The following RALGPS1 variants were observed in gnomAD, a reference collection of about 807,000 sequenced individuals.
The protein encoded by RALGPS1 is ras-specific guanine nucleotide-releasing factor RalGPS1.
A neutral mutation model predicts 78.8 loss-of-function variants in RALGPS1; 19 were observed. That is an observed-to-expected ratio of 0.24 (90% CI 0.17 to 0.35). The LOEUF is 0.35. RALGPS1 is among the 10% of genes least tolerant of loss of function. The pLI, the probability that RALGPS1 is intolerant of heterozygous loss-of-function variation, is 1.00. For synonymous variants in RALGPS1, 228 were observed against 256.3 expected (o/e 0.89, Z 1.06); for missense variants, 454 against 688.3 (o/e 0.66, Z 3.81).
At chr9:127,085,510 C>T (rs2136232706) in intron 8 of RALGPS1, among the ~76,000 whole-genome samples, 1 of 152,304 alleles carries the variant, frequency 6.6e-6, no homozygotes, top group South Asian at 2.1e-4. Flanking sequence ...TTCCATGCCA[C>T]CAGCTTAGTG....
rs558305233 is a variant in RALGPS1 at position 127,180,417 on chromosome 9, C to T, written c.910+5635C>T. Among the ~76,000 whole-genome samples, 4 of 152,328 alleles carry T rather than the reference C, an allele frequency of 2.6e-5. No homozygotes were observed. In the South Asian group the frequency reaches 6.2e-4, roughly 24 times the overall value. On this transcript the variant is annotated intron_variant, in intron 11 of 18. Transcript: ENST00000259351. ...TGTTGTATTGCCTGGTGGTAGAAAC[C>T]ACCTCTGGAGTCAGGCAGAGCTCAG...
At chr9:127,182,375 TCCCTCCCTCCCTC>T (rs2060305519) in intron 11 of RALGPS1, among the ~76,000 whole-genome samples, 2 of 124,302 alleles carry the variant, frequency 1.6e-5, no homozygotes, top group African/African-American at 3.1e-5. Flanking sequence ...CCTTCCTCCC[TCCCTCCCTCCCTC>T]CCTCCCTCCC....
chr9:126,992,305 A>G (rs1273762679), intron 4 of RALGPS1, among the ~76,000 whole-genome samples: 1 of 152,234 alleles, frequency 6.6e-6, no homozygotes, highest in African/African-American at 2.4e-5. Context: ...TACTAAAGTC[A>G]ACAATTTGAT....
intron 5 of RALGPS1, among the ~76,000 whole-genome samples, chr9:127,039,316 G>A (rs753702971): frequency 2.0e-5 from 3 of 152,154 alleles, no homozygotes; most frequent in Non-Finnish European, 2.9e-5. Context: ...ATGAGGGAAT[G>A]CTACAGAATG....
intron 18 of RALGPS1, chr9:127,216,148 G>T (rs956296498): frequency 6.6e-6 from 1 of 152,258 alleles, no homozygotes; most frequent in African/African-American, 2.4e-5. Flanking sequence ...TAGTGACAGT[G>T]ACAGGTCCTA....
In RALGPS1 at chr9:127,122,430, C is replaced by T. The variant is rs2056213164; in HGVS notation, c.611-43639C>T. On this transcript the variant is annotated intron_variant, in intron 8 of 18. Transcript: ENST00000259351. The surrounding 1 kb of genome is among the most constrained non-coding windows in gnomAD (Gnocchi z 6.4). ...TCCTGAGTTGCAGGCCGGTGGCTGC[C>T]AAGCAGCCCTGCCTCACTGGGCTCC... is the stretch of plus-strand genomic sequence containing the variant. 6.6e-6 allele frequency: 1 copy of T among 152,602 alleles called. No individual in the cohort carries two copies. Among genetic ancestry groups the T allele is most frequent in the South Asian group, 2.1e-4 (1 of 4,838 alleles). 9.5% of individuals were successfully genotyped at this position (152,602 alleles called of 1,614,324 possible). A position where few individuals can be genotyped will look rare whatever the true frequency, so the allele number is the denominator to read the frequency against.
At chr9:127,185,867 G>A (rs2060611622) in intron 11 of RALGPS1, among the ~76,000 whole-genome samples, 1 of 152,202 alleles carries the variant, frequency 6.6e-6, no homozygotes, top group South Asian at 2.1e-4. Flanking sequence ...AGGGAGGGAT[G>A]CTGTATGGCT....
At chr9:127,171,765 T>A (rs373772671) in intron 10 of RALGPS1, among the ~76,000 whole-genome samples, 64 of 152,098 alleles carry the variant, frequency 4.2e-4, no homozygotes, top group South Asian at 1.2e-3. Context: ...TCAAAAAAAA[T>A]AATAATAATA....
chr9:127,205,288 T>C lies in RALGPS1; in HGVS notation c.1247+6222T>C, dbSNP rs2061871744. Among the ~76,000 whole-genome samples, 1 of 152,154 alleles carries C rather than the reference T, an allele frequency of 6.6e-6. No homozygotes were observed. Among genetic ancestry groups the C allele is most frequent in the Non-Finnish European group, 1.5e-5 (1 of 68,028 alleles). Reference sequence around the variant, plus strand: ...CCCCCCGTCGAGGGATCACTAGGGTTCTCTTCACCAAATGTCCTCTGGGTG... The same window carrying C: ...CCCCCCGTCGAGGGATCACTAGGGTCCTCTTCACCAAATGTCCTCTGGGTG... On this transcript the variant is annotated intron_variant, in intron 14 of 18. Coordinates refer to ENST00000259351, the MANE Select transcript of RALGPS1 (RefSeq NM_014636.3). The surrounding 1 kb of genome is among the most constrained non-coding windows in gnomAD (Gnocchi z 4.0).
intron 14 of RALGPS1, among the ~76,000 whole-genome samples, chr9:127,203,709 T>C (rs2061773048): frequency 6.6e-6 from 1 of 152,142 alleles, no homozygotes; most frequent in African/African-American, 2.4e-5. Flanking sequence ...GGGAAGCAGT[T>C]GTGCAGGATG....
At chr9:127,190,882 C>G (rs1056323361) in intron 11 of RALGPS1, among the ~76,000 whole-genome samples, 1 of 152,240 alleles carries the variant, frequency 6.6e-6, no homozygotes, top group Non-Finnish European at 1.5e-5. Flanking sequence ...TCCTCCCCTT[C>G]TGCCAATGCA....
intron 8 of RALGPS1, among the ~76,000 whole-genome samples, chr9:127,144,089 C>T (rs539332561): frequency 1.1e-4 from 17 of 152,350 alleles, no homozygotes; most frequent in Middle Eastern, 3.4e-3. Flanking sequence ...AACCCTCAGC[C>T]TTGTTCCTTC....
Position 127,041,409 on chromosome 9 carries a change from G to T in RALGPS1, c.300+6895G>T, listed in dbSNP as rs953497268. Among the ~76,000 whole-genome samples the T allele has an allele frequency of 6.6e-5, 10 of 152,136 alleles. 1 individual carries two copies. The East Asian group carries it at 1.4e-3, about 21-fold the overall frequency. ...TCGGCTAGATTTTCAGATCAGCTGG[G>T]TATATACCTAGGAACACAAGCTAGA... is the stretch of plus-strand genomic sequence containing the variant. On this transcript the variant is annotated intron_variant, in intron 5 of 18. Coordinates refer to ENST00000259351, the MANE Select transcript of RALGPS1 (RefSeq NM_014636.3).
intron 4 of RALGPS1, among the ~76,000 whole-genome samples, chr9:127,007,392 G>T (rs928417766): frequency 6.6e-6 from 1 of 152,132 alleles, no homozygotes; most frequent in Non-Finnish European, 1.5e-5. Context: ...AGATTGTCAG[G>T]TCCCATTCCT....
intron 11 of RALGPS1, among the ~76,000 whole-genome samples, chr9:127,192,884 T>C (rs956350230): frequency 6.6e-6 from 1 of 151,860 alleles, no homozygotes; most frequent in Non-Finnish European, 1.5e-5. Context: ...GGAGGGCATT[T>C]TGAGAAGGAG....
intron 4 of RALGPS1, among the ~76,000 whole-genome samples, chr9:126,992,447 G>A (rs1331532022): frequency 6.6e-6 from 1 of 152,106 alleles, no homozygotes; most frequent in Non-Finnish European, 1.5e-5. Flanking sequence ...ATTAGGTAGT[G>A]TACATCCTTA....
chr9:126,968,682 CA>C lies in RALGPS1; in HGVS notation c.165+2732del, dbSNP rs373546818. 1.5e-3 allele frequency among the ~76,000 whole-genome samples: 221 copies of C among 152,300 alleles called. 1 individual carries two copies. Among genetic ancestry groups the C allele is most frequent in the African/African-American group, 5.0e-3 (208 of 41,564 alleles). ...ACATGGCACAGCTGGGATTTAAAAC[CA>C]GGGCTGTCTGACACTGTAGACCAGT... On this transcript the variant is annotated intron_variant, in intron 3 of 18. Coordinates refer to ENST00000259351, the MANE Select transcript of RALGPS1 (RefSeq NM_014636.3).
intron 8 of RALGPS1, among the ~76,000 whole-genome samples, chr9:127,148,894 G>A (rs2058256562): frequency 6.6e-6 from 1 of 152,170 alleles, no homozygotes; most frequent in Non-Finnish European, 1.5e-5. Flanking sequence ...GGAGAGGAGT[G>A]GAAACTGAGG....
chr9:127,105,319 C>T (rs766100626), intron 8 of RALGPS1, among the ~76,000 whole-genome samples: 19 of 152,172 alleles, frequency 1.2e-4, no homozygotes, highest in African/African-American at 2.9e-4. Context: ...AGACAAAAGA[C>T]GGGCGAGTGC....
Sources: allele counts gnomAD v4.1 joint callset (sites outside exome capture counted in the v4.1 genomes callset), GRCh38; gene constraint gnomAD v4.1.1; non-coding constraint Gnocchi (gnomAD v3.1); transcripts MANE v1.5; gene names NCBI Gene and HGNC (gene_info 2026-07-23, HGNC 2026-07-21).